Variants in CTSC observed in about 807,000 individuals in gnomAD.
CTSC encodes cathepsin C.
CTSC carries 37 observed loss-of-function variants against 40.9 expected under a neutral mutation model. That is an observed-to-expected ratio of 0.91 (90% CI 0.70 to 1.19). CTSC has a LOEUF of 1.19. CTSC is among the 50% of genes most tolerant of loss of function. CTSC has a pLI of 0.00. For missense variants in CTSC, 594 were observed against 567.3 expected (o/e 1.05, Z -0.48); for synonymous variants, 232 against 207.4 (o/e 1.12, Z -1.02).
intron 2 of CTSC, among the ~76,000 whole-genome samples, chr11:88,334,421 G>GT (rs1284433486): frequency 6.6e-6 from 1 of 152,198 alleles, no homozygotes; most frequent in African/African-American, 2.4e-5. Flanking sequence ...GCCTAAGGGA[G>GT]TAACTCCTAG....
At chr11:88,329,621 G>C (rs142993728) in intron 2 of CTSC, among the ~76,000 whole-genome samples, 1 of 152,084 alleles carries the variant, frequency 6.6e-6, no homozygotes, top group Non-Finnish European at 1.5e-5. Context: ...AAGTACATAA[G>C]AGCATAAAGA....
At position 88,337,676 on chromosome 11, in the gene CTSC, G is replaced by A. The variant is rs1461966225; in HGVS notation, c.-4C>T. The A allele has an allele frequency of 6.4e-7, 1 of 1,570,028 alleles. No homozygotes were observed. The highest frequency in any genetic ancestry group is 8.6e-7 in the Non-Finnish European group (1 of 1,157,142). ...GCAAGGAGGGCCCAGCACCCATGCT[G>A]CAGGGAGCTGAGAAAAGAGGTGAAG... is the stretch of plus-strand genomic sequence containing the variant. On this transcript the variant is annotated 5_prime_UTR_variant, in exon 1 of 7. Coordinates refer to ENST00000227266, the MANE Select transcript of CTSC (RefSeq NM_001814.6).
chr11:88,315,567 CT>C (rs1350214120), intron 2 of CTSC, among the ~76,000 whole-genome samples: 3 of 152,044 alleles, frequency 2.0e-5, no homozygotes, highest in African/African-American at 7.3e-5. Flanking sequence ...TTGTCTATGG[CT>C]ACTTTTGTGC....
At chr11:88,312,666 AC>A (rs1937791363) in intron 2 of CTSC, 112 bp from the exon 3 acceptor site, 1 of 1,171,954 alleles carries the variant, frequency 8.5e-7, no homozygotes, top group Non-Finnish European at 1.3e-6. Flanking sequence ...CAAAAACTTC[AC>A]CCTGAGAGGT....
intron 2 of CTSC, chr11:88,326,197 C>T: frequency 7.3e-7 from 1 of 1,367,168 alleles, no homozygotes; most frequent in Non-Finnish European, 9.4e-7. Context: ...TGTTCACATT[C>T]CAAAATGATG....
At chr11:88,332,878 G>A (rs965404212) in intron 2 of CTSC, among the ~76,000 whole-genome samples, 5 of 152,164 alleles carry the variant, frequency 3.3e-5, no homozygotes, top group South Asian at 2.1e-4. Flanking sequence ...GATTAGGCAG[G>A]GTTCTACCCT....
At chr11:88,295,132 G>T (rs1328909597) in intron 6 of CTSC, among the ~76,000 whole-genome samples, 2 of 152,146 alleles carry the variant, frequency 1.3e-5, no homozygotes, top group African/African-American at 4.8e-5. Context: ...TGAGGATAAA[G>T]ATTGTCTTGA....
At chr11:88,328,011 C>T (rs1183363330) in intron 2 of CTSC, 2 of 805,954 alleles carry the variant, frequency 2.5e-6, no homozygotes, top group Non-Finnish European at 4.4e-6. Flanking sequence ...TCTCTCCAGT[C>T]ACCCTCTGAT....
Position 88,334,658 on chromosome 11 carries a change from G to T in CTSC, c.318+279C>A, listed in dbSNP as rs217074. The stretch of plus-strand genomic sequence containing the variant: ...TTTAGAAATAAAGTGGTAGTAATAA[G>T]GAAAATAAATTAAGAATTTAGTCAT... On this transcript the variant is annotated intron_variant, in intron 2 of 6. Transcript: ENST00000227266. 0.88 allele frequency: 319,924 copies of T among 365,584 alleles called. 140,536 individuals carry two copies. The highest frequency in any genetic ancestry group is 1 in the East Asian group (16,733 of 16,742). The allele number at this position is 365,584 out of a possible 1,614,324, so 22.6% of individuals were successfully genotyped here.
intron 2 of CTSC, among the ~76,000 whole-genome samples, chr11:88,316,891 T>A (rs77672652): frequency 0.023 from 3,570 of 152,312 alleles, 151 homozygotes; most frequent in African/African-American, 0.081. Context: ...CTATTTGTAA[T>A]TTTAGGTTGA....
chr11:88,336,849 A>C (rs1180743159), intron 1 of CTSC, among the ~76,000 whole-genome samples: 1 of 152,226 alleles, frequency 6.6e-6, no homozygotes, highest in African/African-American at 2.4e-5. Context: ...CTAGGTATTT[A>C]TTGAGAGCCT....
At chr11:88,307,086 TTGAG>T (rs1937649637) in intron 4 of CTSC, among the ~76,000 whole-genome samples, 1 of 152,250 alleles carries the variant, frequency 6.6e-6, no homozygotes, top group Non-Finnish European at 1.5e-5. Context: ...AGTGTTTTAG[TTGAG>T]TAATTATTAA....
At chr11:88,325,341 C>T (rs554492761) in intron 2 of CTSC, 2 of 985,404 alleles carry the variant, frequency 2.0e-6, no homozygotes, top group South Asian at 9.4e-5. Context: ...AGCCTAATAG[C>T]TAAGGAAACC....
chr11:88,324,677 C>A (rs1366718549), intron 2 of CTSC: 8 of 984,816 alleles, frequency 8.1e-6, no homozygotes, highest in Non-Finnish European at 9.6e-6. Context: ...TACCCAATCA[C>A]TCCATTACAG....
intron 2 of CTSC, among the ~76,000 whole-genome samples, chr11:88,326,647 A>G (rs1284250835): frequency 6.6e-6 from 1 of 152,248 alleles, no homozygotes; most frequent in Non-Finnish European, 1.5e-5. Flanking sequence ...TGTACTGCAC[A>G]TGCAACCAAC....
intron 2 of CTSC, chr11:88,327,945 A>C (rs1938235827): frequency 4.6e-6 from 3 of 655,422 alleles, no homozygotes; most frequent in Non-Finnish European, 8.2e-6. Context: ...TAGTGCAGAC[A>C]ACTTAGAAAC....
At chr11:88,303,129 A>C (rs1279747264) in intron 4 of CTSC, among the ~76,000 whole-genome samples, 1 of 152,224 alleles carries the variant, frequency 6.6e-6, no homozygotes, top group East Asian at 1.9e-4. Flanking sequence ...TTGAAGAAGA[A>C]ACTCAATTTT....
Position 88,312,625 on chromosome 11 carries a change from C to G in CTSC, c.319-71G>C, listed in dbSNP as rs1937790389. ...AAATTTCAGGTCCATTTCCATGGCT[C>G]TCATTCACAGTAAATGTGCCCCTTT... On this transcript the variant is annotated intron_variant, in intron 2 of 6. Transcript: ENST00000227266. 5 of 1,537,956 alleles carry G rather than the reference C, an allele frequency of 3.3e-6. No individual in the cohort carries two copies. In the East Asian group the frequency reaches 9.2e-5, roughly 28 times the overall value.
At chr11:88,298,437 C>T (rs1944321692) in intron 5 of CTSC, 1 of 152,086 alleles carries the variant, frequency 6.6e-6, no homozygotes. Flanking sequence ...CCCACTATTT[C>T]TTTTTTCTTT....
Sources: allele counts gnomAD v4.1 joint callset (sites outside exome capture counted in the v4.1 genomes callset), GRCh38; gene constraint gnomAD v4.1.1; transcripts MANE v1.5; gene names NCBI Gene and HGNC (gene_info 2026-07-23, HGNC 2026-07-21).